The following LAMC1 variants were observed in gnomAD, a reference collection of about 807,000 sequenced individuals.
LAMC1 encodes the protein laminin subunit gamma 1.
A neutral mutation model predicts 173.6 loss-of-function variants in LAMC1; 38 were observed. The observed-to-expected ratio is 0.22, with a 90% CI of 0.17 to 0.29. The LOEUF is 0.29. Ranked by LOEUF, LAMC1 falls within the 10% of genes least tolerant of loss-of-function variation. The pLI, the probability that LAMC1 is intolerant of heterozygous loss-of-function variation, is 1.00. For synonymous variants in LAMC1, 746 were observed against 749.1 expected (o/e 1.00, Z 0.07); for missense variants, 1,824 against 2,051.8 (o/e 0.89, Z 2.14).
intron 5 of LAMC1, 52 bp downstream of exon 5, chr1:183,114,771 C>A: frequency 6.5e-7 from 1 of 1,545,238 alleles, no homozygotes; most frequent in Non-Finnish European, 8.9e-7. Context: ...CCGTGGACCC[C>A]CGGAAAGGAA....
In LAMC1 at chr1:183,122,940, A is replaced by T. The variant is rs78242854; in HGVS notation, c.2401+689A>T. On this transcript the variant is annotated intron_variant, in intron 13 of 27. Coordinates refer to ENST00000258341, the MANE Select transcript of LAMC1 (RefSeq NM_002293.4). The stretch of plus-strand genomic sequence containing the variant: ...ACCTGAGGCCCAGGGTATGGAGCCT[A>T]TCTCAAGTGCTGCACTCTTCTCGCA... Among the ~76,000 whole-genome samples the T allele has an allele frequency of 5.6e-4, 85 of 152,258 alleles. No individual in the cohort carries two copies. In the East Asian group the frequency reaches 0.014, roughly 25 times the overall value.
At position 183,023,705 on chromosome 1, in the gene LAMC1, G is replaced by C; in HGVS notation, c.-12G>C. The C allele has an allele frequency of 2.6e-6, 3 of 1,174,974 alleles. No homozygotes were observed. Among genetic ancestry groups the C allele is most frequent in the Non-Finnish European group, 3.2e-6 (3 of 946,916 alleles). The allele number at this position is 1,174,974 out of a possible 1,614,324, so 72.8% of individuals were successfully genotyped here. ...CCTTGCCTTCGCCGTGACCCAGCGT[G>C]CGGGCGGCGGGATGAGAGGGAGCCA... On this transcript the variant is annotated 5_prime_UTR_variant, in exon 1 of 28. Coordinates refer to ENST00000258341, the MANE Select transcript of LAMC1 (RefSeq NM_002293.4).
At chr1:183,058,364 G>A (rs1571414061) in intron 1 of LAMC1, among the ~76,000 whole-genome samples, 1 of 152,236 alleles carries the variant, frequency 6.6e-6, no homozygotes, top group Non-Finnish European at 1.5e-5. Context: ...ATTGCTTTTT[G>A]TGATAAAGAC....
intron 24 of LAMC1, 33 bp downstream of exon 24, chr1:183,135,189 T>C: frequency 1.5e-6 from 2 of 1,322,802 alleles, no homozygotes; most frequent in Non-Finnish European, 2.2e-6. Context: ...GGGCAAATGC[T>C]TCCGCCACTA....
At chr1:183,106,558 T>C (rs961540282) in intron 2 of LAMC1, among the ~76,000 whole-genome samples, 1 of 152,176 alleles carries the variant, frequency 6.6e-6, no homozygotes, top group Non-Finnish European at 1.5e-5. Context: ...TCTGAAAACA[T>C]AGATGTCTGC....
Position 183,103,565 on chromosome 1 carries a change from A to G in LAMC1, c.656A>G (p.Asn219Ser), listed in dbSNP as rs1412962748. Reference sequence around the variant, plus strand: ...GACATTTCTCCCCTCACTGGGGGCAACGTGGCCTTTTCTACCCTGGAAGGA... The same window carrying G: ...GACATTTCTCCCCTCACTGGGGGCAGCGTGGCCTTTTCTACCCTGGAAGGA... Reference protein sequence around the residue: ...FSDISPLTGGNVAFSTLEGRP... With the variant: ...FSDISPLTGGSVAFSTLEGRP... Residue 219 changes from asparagine (N) to serine (S), a missense_variant, in exon 2 of 28, where the codon AAC (asparagine) becomes AGC (serine). Physicochemically the swap from Asn to Ser is conservative, Grantham distance 46 (BLOSUM62 1). Coordinates refer to ENST00000258341, the MANE Select transcript of LAMC1 (RefSeq NM_002293.4). 1 of 1,612,514 alleles carries G rather than the reference A, an allele frequency of 6.2e-7. No homozygotes were observed. Among genetic ancestry groups the G allele is most frequent in the Non-Finnish European group, 8.5e-7 (1 of 1,179,056 alleles).
Position 183,103,338 on chromosome 1 carries a change from T to C in LAMC1, c.429T>C (p.Phe143=). Residue 143 remains phenylalanine (F), a synonymous_variant, in exon 2 of 28, where the codon TTT becomes TTC. Transcript: ENST00000258341. ...GTGTTTGTCCCACAGGAAAAGCTTT[T>C]GACATCACCTATGTGCGTCTCAAGT... ...INLTLHLGKA[F]DITYVRLKFH... is the part of the protein sequence containing the mutation. 1 of 1,613,268 alleles carries C rather than the reference T, an allele frequency of 6.2e-7. No individual in the cohort carries two copies. Among genetic ancestry groups the C allele is most frequent in the Non-Finnish European group, 8.5e-7 (1 of 1,179,520 alleles).
chr1:183,115,307 G>A (rs1656286500), intron 5 of LAMC1, among the ~76,000 whole-genome samples: 1 of 152,116 alleles, frequency 6.6e-6, no homozygotes, highest in Non-Finnish European at 1.5e-5. Context: ...CTTAGCATGT[G>A]TCTAGAAACT....
At chr1:183,135,303 TC>T (rs1369853598) in intron 24 of LAMC1, 147 bp downstream of exon 24, 1 of 624,864 alleles carries the variant, frequency 1.6e-6, no homozygotes, top group Non-Finnish European at 2.9e-6. Context: ...ATCCCAGAGC[TC>T]CTGTCATTTT....
At chr1:183,112,860 A>G (rs10797843) in intron 4 of LAMC1, among the ~76,000 whole-genome samples, 78,606 of 152,036 alleles carry the variant, frequency 0.52, 21,017 homozygotes, top group South Asian at 0.65. Context: ...ATACTGTACT[A>G]TGAAATAACT....
At chr1:183,073,794 C>G (rs532937981) in intron 1 of LAMC1, among the ~76,000 whole-genome samples, 1 of 152,094 alleles carries the variant, frequency 6.6e-6, no homozygotes, top group South Asian at 2.1e-4. Context: ...GAAAACCTAG[C>G]AAAATAATAG....
chr1:183,117,432 CATTGCT>C lies in LAMC1; in HGVS notation c.1678_1683del (p.Ile560_Ala561del). 6.2e-7 allele frequency: 1 copy of C among 1,613,342 alleles called. No individual in the cohort carries two copies. The highest frequency in any genetic ancestry group is 8.5e-7 in the Non-Finnish European group (1 of 1,179,334). On this transcript the variant is annotated inframe_deletion, in exon 9 of 28. Coordinates refer to ENST00000258341, the MANE Select transcript of LAMC1 (RefSeq NM_002293.4). ...CAGACAGCTACTTTCCTCGGTACTTCATTGCTCCTGGTAAGTAAGGCTAGAAAGCAG... is the reference window on the plus strand; with the variant it reads ...CAGACAGCTACTTTCCTCGGTACTTCCCTGGTAAGTAAGGCTAGAAAGCAG...
At chr1:183,139,653 G>A (rs1454726553) in intron 26 of LAMC1, among the ~76,000 whole-genome samples, 1 of 152,086 alleles carries the variant, frequency 6.6e-6, no homozygotes, top group South Asian at 2.1e-4. Context: ...CAATTATGTG[G>A]TAAGAGGCTC....
rs138724703 is a variant in LAMC1, at chr1:183,125,480, G to A, written c.2731G>A (p.Val911Met). 2.7e-5 allele frequency: 43 copies of A among 1,613,768 alleles called. No individual in the cohort carries two copies. The highest frequency in any genetic ancestry group is 4.4e-5 in the South Asian group (4 of 91,074). The change falls in exon 15 of 28, where the codon GTG becomes ATG. Residue 911 changes from valine (V) to methionine (M), a missense_variant. Coordinates refer to ENST00000258341, the MANE Select transcript of LAMC1 (RefSeq NM_002293.4). Reference protein sequence around the residue: ...VTGQCECLPHVTGQDCGACDP... With the variant: ...VTGQCECLPHMTGQDCGACDP... ...GGGGCAGTGTGAATGTTTGCCTCACGTGACTGGCCAGGACTGTGGTGCTTG... is the reference window on the plus strand; with the variant it reads ...GGGGCAGTGTGAATGTTTGCCTCACATGACTGGCCAGGACTGTGGTGCTTG...
intron 1 of LAMC1, among the ~76,000 whole-genome samples, chr1:183,062,264 T>C (rs1654761630): frequency 6.6e-6 from 1 of 152,254 alleles, no homozygotes; most frequent in Admixed American, 6.5e-5. Flanking sequence ...GCTGCATCAA[T>C]ACTATTTTCT....
At chr1:183,045,329 T>C (rs1364272515) in intron 1 of LAMC1, among the ~76,000 whole-genome samples, 3 of 152,044 alleles carry the variant, frequency 2.0e-5, no homozygotes, top group Admixed American at 2.0e-4. Context: ...TTCTTCCAAT[T>C]TTCCTCACCC....
chr1:183,116,934 G>C (rs1269087376), intron 8 of LAMC1, 31 bp downstream of exon 8: 3 of 1,579,664 alleles, frequency 1.9e-6, no homozygotes, highest in Middle Eastern at 1.7e-4. Flanking sequence ...CAACCTGTTA[G>C]AACTGTGAGA....
chr1:183,035,551 C>T (rs1318873951), intron 1 of LAMC1, among the ~76,000 whole-genome samples: 1 of 152,162 alleles, frequency 6.6e-6, no homozygotes, highest in African/African-American at 2.4e-5. Flanking sequence ...TGATATTTAG[C>T]TGTTAATGCT....
chr1:183,137,551 ATAT>A, intron 25 of LAMC1, 115 bp from the exon 26 acceptor site: 1 of 557,262 alleles, frequency 1.8e-6, no homozygotes, highest in Non-Finnish European at 2.9e-6. Context: ...ATAAATCAAT[ATAT>A]TATTATTTCT....
Sources: gnomAD v4.1 joint callset for allele counts (sites outside exome capture counted in the v4.1 genomes callset) on GRCh38, gnomAD v4.1.1 for gene constraint, MANE v1.5 for transcripts, NCBI Gene and HGNC (gene_info 2026-07-23, HGNC 2026-07-21) for gene names.